DHDDS: variants seen among roughly 807,000 people sequenced by gnomAD.
DHDDS encodes dehydrodolichyl diphosphate synthase complex subunit DHDDS.
Under a neutral mutation model 46.2 loss-of-function variants are expected in DHDDS, and 16 were observed. The observed-to-expected ratio is 0.35, with a 90% CI of 0.23 to 0.53. DHDDS has a LOEUF of 0.53. DHDDS is among the 20% of genes least tolerant of loss of function. The pLI is 0.94. For missense variants in DHDDS, 340 were observed against 423.7 expected, an observed-to-expected ratio of 0.80 and a Z score of 1.73; for synonymous variants, 151 against 163.1, an observed-to-expected ratio of 0.93 and a Z score of 0.56.
At chr1:26,433,688 A>G (rs1477527413) in intron 2 of DHDDS, among the ~76,000 whole-genome samples, 1 of 151,920 alleles carries the variant, frequency 6.6e-6, no homozygotes, top group African/African-American at 2.4e-5. Context: ...AAAAAAAAAA[A>G]AAAAAAGAGT....
Position 26,460,048 on chromosome 1 carries a change from C to T in DHDDS, c.669C>T (p.Ser223=). 6.2e-7 allele frequency: 1 copy of T among 1,614,080 alleles called. No individual in the cohort carries two copies. Among genetic ancestry groups the T allele is most frequent in the Non-Finnish European group, 8.5e-7 (1 of 1,179,948 alleles). Reference sequence around the variant, plus strand: ...CCTACCTTTCCCAGACCTCTCACTCCTGCCTGGTGTTCCAACCCGTTCTGT... The same window carrying T: ...CCTACCTTTCCCAGACCTCTCACTCTTGCCTGGTGTTCCAACCCGTTCTGT... ...SDFLLWQTSH[S]CLVFQPVLWP... is the part of the protein sequence containing the mutation. Residue 223 remains serine, a synonymous_variant, in exon 8 of 9, where the codon TCC becomes TCT. Transcript: ENST00000236342.
chr1:26,438,094 C>A (rs2075179299), intron 2 of DHDDS, 74 bp from the exon 3 acceptor site: 2 of 1,490,742 alleles, frequency 1.3e-6, no homozygotes, highest in African/African-American at 2.8e-5. Flanking sequence ...AAACATATCA[C>A]CTTGGGGTGT....
intron 3 of DHDDS, among the ~76,000 whole-genome samples, chr1:26,441,325 A>G (rs147618543): frequency 1.2e-3 from 188 of 151,908 alleles, no homozygotes; most frequent in African/African-American, 4.3e-3. Context: ...CAGCCTCCCA[A>G]GTAGCTGGGA....
At chr1:26,452,644 G>A (rs1411116855) in intron 6 of DHDDS, among the ~76,000 whole-genome samples, 1 of 152,130 alleles carries the variant, frequency 6.6e-6, no homozygotes, top group East Asian at 1.9e-4. Context: ...TTAAAGATGA[G>A]AATACTGAGA....
intron 3 of DHDDS, among the ~76,000 whole-genome samples, chr1:26,440,331 G>A (rs1354183852): frequency 1.3e-5 from 2 of 152,154 alleles, no homozygotes. Context: ...GTAACTGAGA[G>A]GCAGTTTTGC....
chr1:26,449,888 G>A (rs2075303578), intron 6 of DHDDS, among the ~76,000 whole-genome samples: 1 of 152,186 alleles, frequency 6.6e-6, no homozygotes, highest in Non-Finnish European at 1.5e-5. Flanking sequence ...GTGGATAGTG[G>A]TGCCCTTCAC....
chr1:26,454,568 G>A (rs2075353023), intron 6 of DHDDS: 1 of 694,674 alleles, frequency 1.4e-6, no homozygotes, highest in Non-Finnish European at 2.5e-6. Flanking sequence ...AACCTATAAG[G>A]TGGATAGGAC....
rs201280820 is a variant in DHDDS at position 26,446,432 on chromosome 1, A to T, written c.440A>T (p.Lys147Met). The T allele has an allele frequency of 6.2e-7, 1 of 1,612,740 alleles. No individual in the cohort carries two copies. The highest frequency in any genetic ancestry group is 2.2e-5 in the East Asian group (1 of 44,876). Residue 147 changes from lysine (K) to methionine (M), a missense_variant and splice_region_variant, in exon 5 of 9, where the codon AAG becomes ATG. Physicochemically the swap from Lys to Met is moderately conservative, Grantham distance 95 (BLOSUM62 -1). Around this residue, in one of 2 missense-constraint regions of DHDDS, gnomAD observed 268 missense variants for 300.3 expected, o/e 0.89. Coordinates refer to ENST00000236342, the MANE Select transcript of DHDDS (RefSeq NM_205861.3). Reference sequence around the variant, plus strand: ...GTACAGGCCACGAAGAACTACAACAAGTAAGTTCTCAGATTTCCCTATAGG... The same window carrying T: ...GTACAGGCCACGAAGAACTACAACATGTAAGTTCTCAGATTTCCCTATAGG... ...QAVQATKNYNKCFLNVCFAYT... is the reference protein window; with the variant it reads ...QAVQATKNYNMCFLNVCFAYT...
Position 26,469,023 on chromosome 1 carries a change from C to G in DHDDS, c.894C>G (p.Arg298=), listed in dbSNP as rs1473842603. The part of the protein sequence containing the change: ...ASGDAQLRRT[R]LHKLSARREE... ...GGGACGCCCAGCTCCGAAGGACACGCTTGCACAAACTCTCGGCCAGACGGG... is the reference window on the plus strand; with the variant it reads ...GGGACGCCCAGCTCCGAAGGACACGGTTGCACAAACTCTCGGCCAGACGGG... Residue 298 remains arginine (R), a synonymous_variant, in exon 9 of 9, where the codon CGC becomes CGG. Transcript: ENST00000236342. 2 of 1,614,152 alleles carry G rather than the reference C, an allele frequency of 1.2e-6. No homozygotes were observed. Among genetic ancestry groups the G allele is most frequent in the Non-Finnish European group, 1.7e-6 (2 of 1,180,052 alleles).
intron 8 of DHDDS, among the ~76,000 whole-genome samples, chr1:26,462,063 T>G (rs1361808963): frequency 7.3e-6 from 1 of 137,210 alleles, no homozygotes; most frequent in Non-Finnish European, 1.6e-5. Flanking sequence ...CTATTTTTTG[T>G]TTTTTTTTTT....
At chr1:26,432,644 C>T in intron 1 of DHDDS, 1 of 438,126 alleles carries the variant, frequency 2.3e-6, no homozygotes, top group Non-Finnish European at 4.2e-6. Flanking sequence ...CAGAAGAAGT[C>T]AGTGCAGATA....
intron 6 of DHDDS, among the ~76,000 whole-genome samples, chr1:26,453,417 T>C (rs891303855): frequency 6.6e-6 from 1 of 152,112 alleles, no homozygotes. Context: ...AGGATCTGAG[T>C]TTGAAAGTGC....
rs983971049 is a variant in DHDDS at position 26,439,151 on chromosome 1, G to A, written c.180+867G>A. On this transcript the variant is annotated intron_variant, in intron 3 of 8. Coordinates refer to ENST00000236342, the MANE Select transcript of DHDDS (RefSeq NM_205861.3). ...TCACCATGTTGGCCAGGCTGGTCTC[G>A]AACTCCTGACCTCAGGTGATCCACC... 1.4e-4 allele frequency among the ~76,000 whole-genome samples: 22 copies of A among 152,020 alleles called. No homozygotes were observed. The East Asian group carries it at 1.7e-3, about 12-fold the overall frequency.
intron 3 of DHDDS, among the ~76,000 whole-genome samples, chr1:26,441,664 G>C (rs1205179919): frequency 6.6e-6 from 1 of 152,070 alleles, no homozygotes; most frequent in East Asian, 1.9e-4. Context: ...GGGAGGCCAA[G>C]GCAGGCAATC....
chr1:26,466,074 G>A (rs1335505824), intron 8 of DHDDS: 2 of 152,194 alleles, frequency 1.3e-5, no homozygotes, highest in African/African-American at 4.8e-5. Context: ...GAGGGATAAT[G>A]CCCAGGAGGA....
chr1:26,443,799 G>C (rs757050203), intron 4 of DHDDS, among the ~76,000 whole-genome samples: 12 of 152,208 alleles, frequency 7.9e-5, no homozygotes, highest in Non-Finnish European at 1.8e-4. Flanking sequence ...TTACACCTAA[G>C]GAGCCGGGGA....
At chr1:26,443,863 T>C (rs2075242484) in intron 4 of DHDDS, among the ~76,000 whole-genome samples, 1 of 152,234 alleles carries the variant, frequency 6.6e-6, no homozygotes, top group Admixed American at 6.5e-5. Context: ...GTGTTTACTA[T>C]ATGCCAGGCT....
At chr1:26,439,080 C>T (rs2075191479) in intron 3 of DHDDS, among the ~76,000 whole-genome samples, 1 of 152,046 alleles carries the variant, frequency 6.6e-6, no homozygotes, top group Non-Finnish European at 1.5e-5. Context: ...GAACACCCGT[C>T]ACCATGTCCA....
intron 7 of DHDDS, among the ~76,000 whole-genome samples, chr1:26,459,735 C>T (rs1453111471): frequency 6.6e-6 from 1 of 152,186 alleles, no homozygotes; most frequent in African/African-American, 2.4e-5. Context: ...TAACATAATC[C>T]AGATGTTATT....
Sources: gnomAD v4.1 joint callset for allele counts (sites outside exome capture counted in the v4.1 genomes callset) on GRCh38, gnomAD v4.1.1 for gene constraint, gnomAD v4.1.1 regional missense constraint, MANE v1.5 for transcripts, NCBI Gene and HGNC (gene_info 2026-07-23, HGNC 2026-07-21) for gene names.